Variants in UGT1A9 observed in about 807,000 individuals in gnomAD.
The protein encoded by UGT1A9 is UDP-glucuronosyltransferase 1A9.
Under a neutral mutation model 45.0 loss-of-function variants are expected in UGT1A9, and 35 were observed. That is an observed-to-expected ratio of 0.78 (90% CI 0.59 to 1.03). UGT1A9 has a LOEUF of 1.03. Among genes scored for constraint, UGT1A9 ranks in the 50% least tolerant of loss-of-function variants. The pLI, the probability that UGT1A9 is intolerant of heterozygous loss-of-function variation, is 0.00. For missense variants in UGT1A9, 687 were observed against 666.6 expected (o/e 1.03, Z -0.34); for synonymous variants, 278 against 250.6 (o/e 1.11, Z -1.03).
chr2:233,691,532 T>A, intron 1 of UGT1A9: 1 of 985,700 alleles, frequency 1.0e-6, no homozygotes, highest in Non-Finnish European at 1.2e-6. Flanking sequence ...TGACTAGCTC[T>A]GGGCAAGTCT....
chr2:233,715,588 A>G lies in UGT1A9; in HGVS notation c.855+42799A>G, dbSNP rs531738366. Reference sequence around the variant, plus strand: ...GGAGTCTGAGAGCAGCCTGGGCAACATGCTGAGACTCCATCTCTACAAAAA... The same window carrying G: ...GGAGTCTGAGAGCAGCCTGGGCAACGTGCTGAGACTCCATCTCTACAAAAA... On this transcript the variant is annotated intron_variant, in intron 1 of 4. Transcript: ENST00000354728. Among the ~76,000 whole-genome samples, 110 of 152,162 alleles carry G rather than the reference A, an allele frequency of 7.2e-4. 1 individual carries two copies. The highest frequency in any genetic ancestry group is 2.5e-3 in the African/African-American group (104 of 41,510).
chr2:233,706,366 C>G (rs775485067), intron 1 of UGT1A9, among the ~76,000 whole-genome samples: 5 of 152,190 alleles, frequency 3.3e-5, no homozygotes, highest in Non-Finnish European at 5.9e-5. Flanking sequence ...CCAATTTAGG[C>G]CATTGTACAA....
At chr2:233,753,977 T>C (rs138478111) in intron 1 of UGT1A9, among the ~76,000 whole-genome samples, 15 of 152,322 alleles carry the variant, frequency 9.8e-5, no homozygotes, top group African/African-American at 3.4e-4. Context: ...ACGTGTGTTG[T>C]TTTAAGCCAC....
intron 1 of UGT1A9, chr2:233,682,808 T>C: frequency 6.3e-7 from 1 of 1,594,462 alleles, no homozygotes; most frequent in East Asian, 2.2e-5. Context: ...TTATCTCCCC[T>C]TTAGCACATT....
At chr2:233,695,798 A>G (rs1313678419) in intron 1 of UGT1A9, among the ~76,000 whole-genome samples, 1 of 152,172 alleles carries the variant, frequency 6.6e-6, no homozygotes, top group African/African-American at 2.4e-5. Context: ...TATATGTACT[A>G]TCTGTGAGTG....
intron 1 of UGT1A9, among the ~76,000 whole-genome samples, chr2:233,727,735 C>A (rs1040217488): frequency 1.3e-5 from 2 of 152,208 alleles, no homozygotes; most frequent in Non-Finnish European, 2.9e-5. Flanking sequence ...CTTTTCTGTG[C>A]CATCCTGCGT....
chr2:233,713,112 T>A, intron 1 of UGT1A9: 3 of 1,614,212 alleles, frequency 1.9e-6, no homozygotes, highest in Non-Finnish European at 2.5e-6. Flanking sequence ...TGGCAGCCAC[T>A]GGCTCAGCAT....
intron 1 of UGT1A9, chr2:233,692,872 T>C (rs2125553048): frequency 1.3e-6 from 2 of 1,488,718 alleles, no homozygotes; most frequent in Non-Finnish European, 1.8e-6. Flanking sequence ...TATCAAAGGG[T>C]AAAATTCAGA....
chr2:233,691,775 C>A, intron 1 of UGT1A9: 1 of 320,452 alleles, frequency 3.1e-6, no homozygotes, highest in Non-Finnish European at 4.5e-6. Context: ...GGATTCTCAC[C>A]ACGTACTGGC....
At chr2:233,711,815 G>A (rs1445838200) in intron 1 of UGT1A9, among the ~76,000 whole-genome samples, 1 of 152,182 alleles carries the variant, frequency 6.6e-6, no homozygotes, top group East Asian at 1.9e-4. Flanking sequence ...ATCATCCTGG[G>A]GCGACCAGGA....
At chr2:233,760,837 A>G in intron 1 of UGT1A9, 2 of 1,613,782 alleles carry the variant, frequency 1.2e-6, no homozygotes, top group Non-Finnish European at 1.7e-6. Flanking sequence ...ATTTGAGGCT[A>G]CCCAGTGCCC....
chr2:233,672,183 G>T lies in UGT1A9; in HGVS notation c.249G>T (p.Leu83=). ...AGACTTATTCAACTTCATATACCCTGGAGGATCTGGACCGGGAGTTCAAGG... is the reference window on the plus strand; with the variant it reads ...AGACTTATTCAACTTCATATACCCTTGAGGATCTGGACCGGGAGTTCAAGG... ...TVKTYSTSYT[L]EDLDREFKAF... The change falls in exon 1 of 5, where the codon CTG becomes CTT. Residue 83 remains leucine, a synonymous_variant. Coordinates refer to ENST00000354728, the MANE Select transcript of UGT1A9 (RefSeq NM_021027.3). The T allele has an allele frequency of 6.2e-7, 1 of 1,614,182 alleles. No individual in the cohort carries two copies.
intron 1 of UGT1A9, chr2:233,692,203 G>C (rs1200902160): frequency 6.6e-6 from 1 of 152,362 alleles, no homozygotes; most frequent in Non-Finnish European, 1.5e-5. Context: ...GGTGTGGAGG[G>C]TGGGGCACCC....
At chr2:233,687,658 T>C (rs2074857282) in intron 1 of UGT1A9, among the ~76,000 whole-genome samples, 2 of 150,210 alleles carry the variant, frequency 1.3e-5, no homozygotes, top group Non-Finnish European at 3.0e-5. Flanking sequence ...ATCACAGCAC[T>C]TTAGGAGGCC....
At chr2:233,760,294 G>A (rs1697387669) in intron 1 of UGT1A9, 1 of 1,613,420 alleles carries the variant, frequency 6.2e-7, no homozygotes, top group East Asian at 2.2e-5. Context: ...CGCCATGGCT[G>A]TGGAGTCCCA....
At chr2:233,771,306 T>TTTCCCTCTCCTC (rs2126060458) in intron 4 of UGT1A9, 1 of 152,368 alleles carries the variant, frequency 6.6e-6, no homozygotes, top group South Asian at 2.1e-4. Context: ...TCCTCCTCCT[T>TTTCCCTCTCCTC]TTCCCTCTCC....
intron 1 of UGT1A9, chr2:233,693,522 G>T: frequency 4.3e-6 from 7 of 1,614,162 alleles, no homozygotes; most frequent in Non-Finnish European, 5.1e-6. Flanking sequence ...CTCTTCAGGG[G>T]TTTTCCGTGT....
intron 1 of UGT1A9, among the ~76,000 whole-genome samples, chr2:233,679,850 G>A (rs1270447639): frequency 6.6e-6 from 1 of 151,892 alleles, no homozygotes; most frequent in Non-Finnish European, 1.5e-5. Context: ...AATCACATTG[G>A]CATCTATAAA....
chr2:233,711,076 G>A (rs1307844481), intron 1 of UGT1A9, among the ~76,000 whole-genome samples: 2 of 152,172 alleles, frequency 1.3e-5, no homozygotes, highest in Non-Finnish European at 2.9e-5. Flanking sequence ...TTATGCTGAT[G>A]GCTCCAAGTC....
Sources: gnomAD v4.1 joint callset for allele counts (sites outside exome capture counted in the v4.1 genomes callset) on GRCh38, gnomAD v4.1.1 for gene constraint, MANE v1.5 for transcripts, NCBI Gene and HGNC (gene_info 2026-07-23, HGNC 2026-07-21) for gene names.